NRXN3: variants seen among roughly 807,000 people sequenced by gnomAD.
NRXN3 encodes the protein neurexin 3, also known as neurexin III.
NRXN3 carries 32 observed loss-of-function variants against 137.6 expected under a neutral mutation model. That is an observed-to-expected ratio of 0.23 (90% CI 0.18 to 0.31). The LOEUF (loss-of-function observed/expected upper bound fraction) is 0.31, where lower values mean the gene tolerates loss of function less well. Ranked by LOEUF, NRXN3 falls within the 10% of genes least tolerant of loss-of-function variation. NRXN3 has a pLI of 1.00. For missense variants in NRXN3, 1,574 were observed against 2,062.5 expected, an observed-to-expected ratio of 0.76 and a Z score of 4.59; for synonymous variants, 798 against 784.5, an observed-to-expected ratio of 1.02 and a Z score of -0.29.
rs541287522 is a variant in NRXN3 at position 79,479,735 on chromosome 14, T to C, written c.3444+12333T>C. ...ACATTTTTTGCTTCCCAGTATTTGT[T>C]TTTCTCAATGACGTTAAGGCACCTA... On this transcript the variant is annotated intron_variant, in intron 16 of 20. Transcript: ENST00000335750. Among the ~76,000 whole-genome samples, 304 of 152,194 alleles carry C rather than the reference T, an allele frequency of 2.0e-3. 2 individuals are homozygous for C. Among genetic ancestry groups the C allele is most frequent in the African/African-American group, 7.0e-3 (289 of 41,526 alleles).
chr14:79,417,685 C>T (rs902163151), intron 15 of NRXN3, among the ~76,000 whole-genome samples: 3 of 152,070 alleles, frequency 2.0e-5, no homozygotes, highest in African/African-American at 7.2e-5. Context: ...ATAAATACTA[C>T]AATAAATCGA....
chr14:79,469,376 A>G (rs1001756769), intron 16 of NRXN3, among the ~76,000 whole-genome samples: 1 of 152,192 alleles, frequency 6.6e-6, no homozygotes, highest in Non-Finnish European at 1.5e-5. Context: ...ACATTCCAGT[A>G]TATTTTAATA....
At chr14:78,307,836 G>A (rs116306867) in intron 4 of NRXN3, among the ~76,000 whole-genome samples, 53 of 152,278 alleles carry the variant, frequency 3.5e-4, no homozygotes, top group African/African-American at 1.3e-3. Flanking sequence ...AGAAACTGCA[G>A]ATCCCAGATG....
chr14:78,625,938 C>G (rs6574457), intron 4 of NRXN3, among the ~76,000 whole-genome samples: 28,364 of 152,156 alleles, frequency 0.19, 2,838 homozygotes, highest in South Asian at 0.24. Flanking sequence ...AGCCTCAACT[C>G]CCATGTCTGT....
intron 4 of NRXN3, among the ~76,000 whole-genome samples, chr14:78,547,555 T>C (rs193032771): frequency 3.9e-4 from 59 of 152,246 alleles, no homozygotes; most frequent in Non-Finnish European, 3.2e-4. Flanking sequence ...TAAATCAATA[T>C]GTTAATTTTG....
At chr14:78,934,139 C>G (rs1000657264) in intron 10 of NRXN3, among the ~76,000 whole-genome samples, 3 of 137,282 alleles carry the variant, frequency 2.2e-5, no homozygotes, top group Non-Finnish European at 4.6e-5. Flanking sequence ...AGGAGGGCAC[C>G]AGAGGACAAG....
At chr14:78,307,772 G>T (rs2077516577) in intron 4 of NRXN3, among the ~76,000 whole-genome samples, 1 of 152,106 alleles carries the variant, frequency 6.6e-6, no homozygotes, top group African/African-American at 2.4e-5. Flanking sequence ...AAGGGCAGAA[G>T]CGATGACATG....
At chr14:79,695,972 T>C (rs374695733) in intron 18 of NRXN3, among the ~76,000 whole-genome samples, 93 of 152,104 alleles carry the variant, frequency 6.1e-4, no homozygotes, top group African/African-American at 2.1e-3. Flanking sequence ...TTCACCATAC[T>C]GCAGTGTTGA....
chr14:79,766,408 G>C (rs531942396), intron 19 of NRXN3, among the ~76,000 whole-genome samples: 27 of 152,244 alleles, frequency 1.8e-4, no homozygotes, highest in African/African-American at 6.5e-4. Flanking sequence ...ACCCCTAATA[G>C]ACGCTTATTT....
chr14:79,857,444 G>C (rs1023625167), intron 20 of NRXN3, among the ~76,000 whole-genome samples: 2 of 152,008 alleles, frequency 1.3e-5, no homozygotes, highest in Non-Finnish European at 2.9e-5. Flanking sequence ...GGATGGTTTC[G>C]ATCTCCTGAC....
chr14:79,227,050 C>A (rs1031705618), intron 15 of NRXN3, among the ~76,000 whole-genome samples: 18 of 152,060 alleles, frequency 1.2e-4, no homozygotes, highest in African/African-American at 4.3e-4. Context: ...GAACTCCTGA[C>A]CTCGTGATCC....
intron 4 of NRXN3, among the ~76,000 whole-genome samples, chr14:78,600,612 C>T (rs754491491): frequency 1.3e-5 from 2 of 152,162 alleles, no homozygotes; most frequent in Non-Finnish European, 2.9e-5. Context: ...GTCCTTGACT[C>T]CCTTGTCTTC....
At chr14:79,827,755 C>T (rs940909265) in intron 20 of NRXN3, among the ~76,000 whole-genome samples, 7 of 146,804 alleles carry the variant, frequency 4.8e-5, no homozygotes, top group African/African-American at 1.5e-4. Context: ...AGTGCAAAGT[C>T]GTGATCTCGG....
intron 4 of NRXN3, among the ~76,000 whole-genome samples, chr14:78,433,918 A>G (rs2093974914): frequency 6.6e-6 from 1 of 152,146 alleles, no homozygotes. Flanking sequence ...CTTGACTTAC[A>G]ACGAGGTGAT....
chr14:78,912,141 A>G (rs944322246), intron 10 of NRXN3, among the ~76,000 whole-genome samples: 5 of 150,972 alleles, frequency 3.3e-5, no homozygotes, highest in African/African-American at 1.2e-4. Flanking sequence ...TCATTGTTCA[A>G]TTCCCACCTA....
At chr14:78,229,913 C>G (rs1243770152) in intron 1 of NRXN3, among the ~76,000 whole-genome samples, 5 of 152,168 alleles carry the variant, frequency 3.3e-5, no homozygotes, top group Non-Finnish European at 5.9e-5. Flanking sequence ...GATGTTGCAA[C>G]AGATGGGCTC....
chr14:79,432,246 C>T (rs2095771219), intron 15 of NRXN3, among the ~76,000 whole-genome samples: 2 of 152,070 alleles, frequency 1.3e-5, no homozygotes, highest in Non-Finnish European at 2.9e-5. Context: ...TACTTTTGCT[C>T]AGGATCTTCT....
intron 15 of NRXN3, among the ~76,000 whole-genome samples, chr14:79,218,937 G>A (rs1416676760): frequency 1.3e-5 from 2 of 152,110 alleles, no homozygotes; most frequent in African/African-American, 2.4e-5. Context: ...AGTGAAGGGG[G>A]AAACCTGGTT....
rs61215995 is a variant in NRXN3 at position 78,910,060 on chromosome 14, T to C, written c.2276-47182T>C. ...ATTCTTAGTATGATAGTTTTCTTACTGTTGTCCATTCCTGTCTTATTTTTT... is the reference window on the plus strand; with the variant it reads ...ATTCTTAGTATGATAGTTTTCTTACCGTTGTCCATTCCTGTCTTATTTTTT... On this transcript the variant is annotated intron_variant, in intron 10 of 20. Transcript: ENST00000335750. Among the ~76,000 whole-genome samples the C allele has an allele frequency of 8.6e-3, 1,303 of 152,288 alleles. 23 individuals carry two copies. The highest frequency in any genetic ancestry group is 0.03 in the African/African-American group (1,229 of 41,576).
Sources: gnomAD v4.1 joint callset for allele counts (sites outside exome capture counted in the v4.1 genomes callset) on GRCh38, gnomAD v4.1.1 for gene constraint, MANE v1.5 for transcripts, NCBI Gene and HGNC (gene_info 2026-07-23, HGNC 2026-07-21) for gene names.